Variants in ADGRL2 observed in about 807,000 individuals in gnomAD.
The protein encoded by ADGRL2 is adhesion G protein-coupled receptor L2, also known as calcium-independent alpha-latrotoxin receptor 2.
In ADGRL2, 44 loss-of-function variants were observed where a neutral mutation model predicts 157.4. The observed-to-expected ratio is 0.28, with a 90% CI of 0.22 to 0.36. The LOEUF is 0.36. ADGRL2 is among the 10% of genes least tolerant of loss of function. The probability of loss-of-function intolerance (pLI) is 1.00; values close to 1 mark genes in which losing one functional copy is unlikely to be tolerated. For synonymous variants in ADGRL2, 585 were observed against 624.7 expected (o/e 0.94, Z 0.95); for missense variants, 1,510 against 1,768.9 (o/e 0.85, Z 2.63).
At chr1:81,477,925 G>A (rs568131598) in intron 2 of ADGRL2, among the ~76,000 whole-genome samples, 4 of 152,252 alleles carry the variant, frequency 2.6e-5, no homozygotes, top group African/African-American at 7.2e-5. Flanking sequence ...GCGTCATCTT[G>A]TGTGGCTCAG....
chr1:81,985,664 T>TA (rs1214094243), intron 21 of ADGRL2, among the ~76,000 whole-genome samples: 3 of 151,826 alleles, frequency 2.0e-5, no homozygotes, highest in Non-Finnish European at 2.9e-5. Flanking sequence ...TTTCAAAAAG[T>TA]AAAAAATAAA....
At chr1:81,908,378 CA>C (rs2094632029) in intron 3 of ADGRL2, among the ~76,000 whole-genome samples, 1 of 152,188 alleles carries the variant, frequency 6.6e-6, no homozygotes, top group Non-Finnish European at 1.5e-5. Flanking sequence ...TGGCTTATTT[CA>C]CTTAGTAATA....
intron 2 of ADGRL2, among the ~76,000 whole-genome samples, chr1:81,840,520 C>T (rs141862778): frequency 6.6e-6 from 1 of 152,188 alleles, no homozygotes; most frequent in African/African-American, 2.4e-5. Context: ...TGTACACATA[C>T]AGGGGCAAAT....
At chr1:81,982,326 A>G (rs1275267681) in intron 19 of ADGRL2, among the ~76,000 whole-genome samples, 1 of 152,028 alleles carries the variant, frequency 6.6e-6, no homozygotes, top group Non-Finnish European at 1.5e-5. Context: ...AGTGATTCAC[A>G]GTGAAATGGA....
At chr1:81,426,674 C>T (rs953390538) in intron 1 of ADGRL2, 9 of 467,308 alleles carry the variant, frequency 1.9e-5, no homozygotes, top group African/African-American at 8.0e-5. Flanking sequence ...CCAAAGAAAA[C>T]GTTCCAGGGG....
chr1:81,639,270 C>T (rs1371443801), intron 3 of ADGRL2, among the ~76,000 whole-genome samples: 2 of 152,062 alleles, frequency 1.3e-5, no homozygotes, highest in Non-Finnish European at 2.9e-5. Flanking sequence ...GGTGTTTCAC[C>T]ATGTTGGCCA....
At chr1:81,681,891 G>A (rs1159991654) in intron 3 of ADGRL2, among the ~76,000 whole-genome samples, 1 of 152,116 alleles carries the variant, frequency 6.6e-6, no homozygotes, top group Non-Finnish European at 1.5e-5. Flanking sequence ...TTGACCTACA[G>A]TTACTTGAAT....
intron 3 of ADGRL2, among the ~76,000 whole-genome samples, chr1:81,691,007 G>A (rs1294984298): frequency 1.3e-5 from 2 of 152,200 alleles, no homozygotes; most frequent in Admixed American, 1.3e-4. Flanking sequence ...ATCAGCAGCA[G>A]GGGAAAATTT....
At chr1:81,560,404 C>A (rs1438458843) in intron 2 of ADGRL2, among the ~76,000 whole-genome samples, 2 of 152,158 alleles carry the variant, frequency 1.3e-5, no homozygotes, top group Non-Finnish European at 2.9e-5. Context: ...GCTGTGAGGA[C>A]TAAATGAGTT....
intron 1 of ADGRL2, among the ~76,000 whole-genome samples, chr1:81,703,422 C>CTGTTGT (rs556346925): frequency 3.3e-5 from 5 of 151,846 alleles, no homozygotes; most frequent in African/African-American, 4.8e-5. Context: ...TTTTTGTTTT[C>CTGTTGT]TGTTGTTGTT....
intron 3 of ADGRL2, among the ~76,000 whole-genome samples, chr1:81,934,897 A>G (rs2095287618): frequency 6.6e-6 from 1 of 151,984 alleles, no homozygotes. Flanking sequence ...ACAAAGAAGG[A>G]AATGAAAGGA....
At chr1:81,936,939 C>A in intron 4 of ADGRL2, 102 bp downstream of exon 4, 1 of 717,338 alleles carries the variant, frequency 1.4e-6, no homozygotes, top group Non-Finnish European at 2.5e-6. Context: ...GCCTACAAAA[C>A]CATTATGTAT....
At position 81,975,302 on chromosome 1, in the gene ADGRL2, G is replaced by A. The variant is rs570239301; in HGVS notation, c.3021+3384G>A. Among the ~76,000 whole-genome samples, 19 of 152,172 alleles carry A rather than the reference G, an allele frequency of 1.2e-4. No homozygotes were observed. In the East Asian group the frequency reaches 1.3e-3, roughly 11 times the overall value. ...CAAGTTTAGACAAATGTTTGTGTGC[G>A]CAGCTGTAACTCCACCTTTTTCCTT... On this transcript the variant is annotated intron_variant, in intron 17 of 23. Transcript: ENST00000686636.
At chr1:81,893,673 C>T (rs1383585502) in intron 2 of ADGRL2, among the ~76,000 whole-genome samples, 1 of 152,156 alleles carries the variant, frequency 6.6e-6, no homozygotes, top group Non-Finnish European at 1.5e-5. Flanking sequence ...TGCTACCGTG[C>T]TGTTCCTTAG....
intron 1 of ADGRL2, among the ~76,000 whole-genome samples, chr1:81,412,839 G>A (rs899084836): frequency 6.6e-6 from 1 of 152,110 alleles, no homozygotes; most frequent in South Asian, 2.1e-4. Flanking sequence ...GTGTGTGCCA[G>A]TTTTAAATAG....
At chr1:81,404,048 G>A (rs538796444) in intron 1 of ADGRL2, among the ~76,000 whole-genome samples, 271 of 152,096 alleles carry the variant, frequency 1.8e-3, no homozygotes, top group South Asian at 3.5e-3. Flanking sequence ...CGTCCACCTC[G>A]GCCTCCCAAA....
At position 81,952,191 on chromosome 1, in the gene ADGRL2, C is replaced by G. The variant is rs202096774; in HGVS notation, c.1794+49C>G. The G allele has an allele frequency of 6.3e-3, 9,341 of 1,471,202 alleles. 50 individuals carry two copies. The highest frequency in any genetic ancestry group is 8.3e-3 in the Non-Finnish European group (8,928 of 1,080,962). The allele number at this position is 1,471,202 out of a possible 1,614,324, so 91.1% of individuals were successfully genotyped here. A position where few individuals can be genotyped will look rare whatever the true frequency, so the allele number is the denominator to read the frequency against. ...TTGAATTAGACACTTGGTATGGCAG[C>G]TCTTTCTTGTCTTATAGCAGTTGAG... On this transcript the variant is annotated intron_variant, in intron 9 of 23. Coordinates refer to ENST00000686636, the MANE Select transcript of ADGRL2 (RefSeq NM_001366006.2).
chr1:81,952,449 G>A (rs1009534979), intron 9 of ADGRL2, among the ~76,000 whole-genome samples: 1 of 152,074 alleles, frequency 6.6e-6, no homozygotes, highest in Admixed American at 6.6e-5. Flanking sequence ...GAGATTATAT[G>A]TTATACAGTT....
At chr1:81,466,471 C>T (rs1239343104) in intron 2 of ADGRL2, among the ~76,000 whole-genome samples, 1 of 152,098 alleles carries the variant, frequency 6.6e-6, no homozygotes, top group Non-Finnish European at 1.5e-5. Context: ...TGCACATATC[C>T]ATCAGGTCTG....
Sources: allele counts gnomAD v4.1 joint callset (sites outside exome capture counted in the v4.1 genomes callset), GRCh38; gene constraint gnomAD v4.1.1; transcripts MANE v1.5; gene names NCBI Gene and HGNC (gene_info 2026-07-23, HGNC 2026-07-21).